Variants in SLC25A21 observed in about 807,000 individuals in gnomAD.
SLC25A21 encodes the protein mitochondrial 2-oxodicarboxylate carrier.
In SLC25A21, 47 loss-of-function variants were observed where a neutral mutation model predicts 43.8. That is an observed-to-expected ratio of 1.07 (90% confidence interval 0.85 to 1.37). The LOEUF is 1.37. SLC25A21 is among the 40% of genes most tolerant of loss of function. The pLI, the probability that SLC25A21 is intolerant of heterozygous loss-of-function variation, is 0.00. For missense variants in SLC25A21, 352 were observed against 350.2 expected (o/e 1.00, Z -0.04); for synonymous variants, 131 against 121.3 (o/e 1.08, Z -0.52).
intron 3 of SLC25A21, among the ~76,000 whole-genome samples, chr14:36,774,890 A>C (rs1191821874): frequency 3.3e-5 from 5 of 152,218 alleles, no homozygotes; most frequent in African/African-American, 1.2e-4. Context: ...TATTTACACA[A>C]ACTGATACAA....
intron 1 of SLC25A21, among the ~76,000 whole-genome samples, chr14:37,137,515 A>G (rs1474273546): frequency 6.6e-6 from 1 of 152,172 alleles, no homozygotes; most frequent in African/African-American, 2.4e-5. Context: ...GAATTTTGTC[A>G]TTGTTTATAA....
chr14:37,001,908 A>G (rs1960498166), intron 1 of SLC25A21, among the ~76,000 whole-genome samples: 1 of 152,216 alleles, frequency 6.6e-6, no homozygotes, highest in Admixed American at 6.5e-5. Context: ...ACCCCAAAAC[A>G]GGTAAATACT....
intron 1 of SLC25A21, among the ~76,000 whole-genome samples, chr14:36,934,960 GA>G (rs140314898): frequency 1.3e-5 from 2 of 150,724 alleles, no homozygotes; most frequent in African/African-American, 4.9e-5. Context: ...AAAGAAAGAA[GA>G]AAAAAATCCA....
At chr14:36,973,911 A>C (rs1340891678) in intron 1 of SLC25A21, among the ~76,000 whole-genome samples, 1 of 152,218 alleles carries the variant, frequency 6.6e-6, no homozygotes, top group East Asian at 1.9e-4. Context: ...CAAATAAAAA[A>C]AATTGCAAGG....
chr14:36,739,459 C>T (rs145041172), intron 3 of SLC25A21, among the ~76,000 whole-genome samples: 2,835 of 152,086 alleles, frequency 0.019, 44 homozygotes, highest in Non-Finnish European at 0.028. Context: ...GGGTGGATCA[C>T]GTGAGGTCAG....
intron 3 of SLC25A21, among the ~76,000 whole-genome samples, chr14:36,812,907 A>C (rs562143854): frequency 1.3e-5 from 2 of 152,282 alleles, no homozygotes; most frequent in Admixed American, 1.3e-4. Flanking sequence ...CAGAACCTAC[A>C]TCATAAAGTT....
intron 1 of SLC25A21, among the ~76,000 whole-genome samples, chr14:36,924,080 A>T (rs1892059715): frequency 6.6e-6 from 1 of 152,082 alleles, no homozygotes; most frequent in South Asian, 2.1e-4. Flanking sequence ...TGTTGGTGGG[A>T]TTGTAAACTA....
intron 7 of SLC25A21, among the ~76,000 whole-genome samples, chr14:36,690,696 G>A (rs1488506349): frequency 2.0e-5 from 3 of 152,124 alleles, no homozygotes; most frequent in Non-Finnish European, 4.4e-5. Context: ...TACTGAAGTG[G>A]GGGTGTGAAA....
At chr14:37,041,505 AT>A (rs1371710627) in intron 1 of SLC25A21, among the ~76,000 whole-genome samples, 3 of 152,044 alleles carry the variant, frequency 2.0e-5, no homozygotes, top group African/African-American at 7.3e-5. Context: ...GAAAAAAAAA[AT>A]GTTACAGCAA....
chr14:36,947,770 T>G (rs1168528461), intron 1 of SLC25A21, among the ~76,000 whole-genome samples: 2 of 152,184 alleles, frequency 1.3e-5, no homozygotes, highest in Admixed American at 1.3e-4. Flanking sequence ...ACCATATGTA[T>G]CTGAACATAT....
chr14:36,691,945 C>T (rs1882811905), intron 7 of SLC25A21, among the ~76,000 whole-genome samples: 1 of 152,066 alleles, frequency 6.6e-6, no homozygotes, highest in Admixed American at 6.6e-5. Flanking sequence ...ATATGGAAAA[C>T]AATTCATGCA....
At chr14:36,901,590 G>T (rs902864727) in intron 1 of SLC25A21, among the ~76,000 whole-genome samples, 6 of 151,992 alleles carry the variant, frequency 3.9e-5, no homozygotes, top group Non-Finnish European at 8.8e-5. Context: ...AATCGTGCTT[G>T]GTTTCAAGAA....
intron 1 of SLC25A21, among the ~76,000 whole-genome samples, chr14:36,890,380 A>C (rs1449723465): frequency 6.6e-6 from 1 of 152,174 alleles, no homozygotes; most frequent in African/African-American, 2.4e-5. Context: ...AGTGCATGGC[A>C]GCGAGTAATT....
chr14:37,020,490 A>G (rs1390025017), intron 1 of SLC25A21, among the ~76,000 whole-genome samples: 1 of 151,316 alleles, frequency 6.6e-6, no homozygotes, highest in Non-Finnish European at 1.5e-5. Flanking sequence ...ACCTGATTTG[A>G]CTCCAAATTC....
At chr14:36,987,914 G>C (rs1359410362) in intron 1 of SLC25A21, among the ~76,000 whole-genome samples, 2 of 152,158 alleles carry the variant, frequency 1.3e-5, no homozygotes, top group African/African-American at 4.8e-5. Flanking sequence ...TATGGGCTTG[G>C]CCATTCTCAA....
intron 1 of SLC25A21, among the ~76,000 whole-genome samples, chr14:36,952,883 C>T (rs957740707): frequency 1.4e-4 from 21 of 152,180 alleles, no homozygotes; most frequent in Non-Finnish European, 2.8e-4. Flanking sequence ...ACGGGATATT[C>T]AAGAAGACTT....
intron 3 of SLC25A21, among the ~76,000 whole-genome samples, chr14:36,776,451 G>T (rs1886838392): frequency 6.6e-6 from 1 of 151,550 alleles, no homozygotes; most frequent in South Asian, 2.1e-4. Context: ...GGTTAGCCAG[G>T]ATGGTCTCGA....
At chr14:37,015,985 T>G (rs911456735) in intron 1 of SLC25A21, among the ~76,000 whole-genome samples, 8 of 150,734 alleles carry the variant, frequency 5.3e-5, no homozygotes, top group Non-Finnish European at 1.2e-4. Context: ...TCTCCCATTT[T>G]GTAGGTTGCC....
At chr14:37,090,574 T>C (rs1410684802) in intron 1 of SLC25A21, among the ~76,000 whole-genome samples, 1 of 152,182 alleles carries the variant, frequency 6.6e-6, no homozygotes, top group Middle Eastern at 3.2e-3. Flanking sequence ...TTGAAGCCAA[T>C]AAATCTTGGC....
Sources: gnomAD v4.1 joint callset for allele counts (sites outside exome capture counted in the v4.1 genomes callset) on GRCh38, gnomAD v4.1.1 for gene constraint, MANE v1.5 for transcripts, NCBI Gene and HGNC (gene_info 2026-07-23, HGNC 2026-07-21) for gene names.